RBM17: variants seen among roughly 807,000 people sequenced by gnomAD.
RBM17 encodes the protein RNA binding motif protein 17.
RBM17 carries 7 observed loss-of-function variants against 53.2 expected under a neutral mutation model. The observed-to-expected ratio is 0.13, with a 90% CI of 0.07 to 0.25. The LOEUF (loss-of-function observed/expected upper bound fraction) is 0.25. Among genes scored for constraint, RBM17 ranks in the 10% least tolerant of loss-of-function variants. The pLI, the probability that RBM17 is intolerant of heterozygous loss-of-function variation, is 1.00. For missense variants in RBM17, 257 were observed against 496.7 expected, an observed-to-expected ratio of 0.52 and a Z score of 4.59; for synonymous variants, 167 against 178.1, an observed-to-expected ratio of 0.94 and a Z score of 0.50.
rs561138279 is a variant in RBM17 at position 6,115,071 on chromosome 10, T to TC, written c.1030-168_1030-167insC. Reference sequence around the variant, plus strand: ...GCCTGTCATAAAAACAGGCATTCAGTACGTTTTTGATGATGAACAAATTAT... The same window carrying TC: ...GCCTGTCATAAAAACAGGCATTCAGTCACGTTTTTGATGATGAACAAATTAT... On this transcript the variant is annotated intron_variant, in intron 10 of 11. Transcript: ENST00000379888. The TC allele has an allele frequency of 2.3e-3, 1,451 of 617,956 alleles. 17 individuals carry two copies. The highest frequency in any genetic ancestry group is 0.016 in the South Asian group (745 of 45,702). 38.3% of individuals were successfully genotyped at this position (617,956 alleles called of 1,614,324 possible). A position where few individuals can be genotyped will look rare whatever the true frequency, so the allele number is the denominator to read the frequency against.
intron 1 of RBM17, among the ~76,000 whole-genome samples, chr10:6,094,408 C>T (rs1840539983): frequency 6.6e-6 from 1 of 151,288 alleles, no homozygotes; most frequent in Non-Finnish European, 1.5e-5. Flanking sequence ...GTTTGAGTTG[C>T]AAACAAATTT....
chr10:6,115,033 G>T (rs1840894214), intron 10 of RBM17: 1 of 570,858 alleles, frequency 1.8e-6, no homozygotes, highest in Admixed American at 3.3e-5. Flanking sequence ...CTGTGTTCCT[G>T]GCACCTAACA....
chr10:6,099,252 G>A (rs758161645), intron 2 of RBM17, among the ~76,000 whole-genome samples: 9 of 151,308 alleles, frequency 5.9e-5, no homozygotes, highest in Non-Finnish European at 1.0e-4. Context: ...AAACTTTTGA[G>A]ATTGCTATGT....
At chr10:6,101,197 A>G in intron 2 of RBM17, 74 bp from the exon 3 acceptor site, 1 of 904,788 alleles carries the variant, frequency 1.1e-6, no homozygotes, top group Non-Finnish European at 1.6e-6. Flanking sequence ...GACCAGAAAG[A>G]AAATCTTTGT....
At chr10:6,096,949 C>T (rs1840586386) in intron 1 of RBM17, 99 bp from the exon 2 acceptor site, 1 of 1,162,760 alleles carries the variant, frequency 8.6e-7, no homozygotes, top group Non-Finnish European at 1.2e-6. Context: ...CTGAAAGGTC[C>T]TGGACCTTTT....
intron 1 of RBM17, among the ~76,000 whole-genome samples, chr10:6,093,365 G>A (rs928332486): frequency 4.6e-5 from 7 of 151,962 alleles, no homozygotes; most frequent in African/African-American, 9.7e-5. Flanking sequence ...GACTACAGGC[G>A]TGCAGCACCA....
chr10:6,110,953 T>G (rs201153944), intron 7 of RBM17, among the ~76,000 whole-genome samples: 3 of 67,126 alleles, frequency 4.5e-5, no homozygotes, highest in Non-Finnish European at 1.3e-4. Context: ...AAGCTGGTTT[T>G]GTTTTGTTTT....
In RBM17 at chr10:6,097,143, G is replaced by C; in HGVS notation, c.78G>C (p.Leu26=). The C allele has an allele frequency of 6.2e-7, 1 of 1,614,068 alleles. No homozygotes were observed. The highest frequency in any genetic ancestry group is 8.5e-7 in the Non-Finnish European group (1 of 1,179,970). The change falls in exon 2 of 12, where the codon CTG becomes CTC. Residue 26 remains leucine, a synonymous_variant. Coordinates refer to ENST00000379888, the MANE Select transcript of RBM17 (RefSeq NM_032905.5). ...TEGWSKNFKL[L]QSQLQVKKAA... is the part of the protein sequence containing the mutation. ...GCTGGTCCAAAAACTTCAAACTTCT[G>C]CAGTCTCAGCTTCAGGTGAAGAAGG...
In RBM17 at chr10:6,112,597, G is replaced by T; in HGVS notation, c.856+236G>T. ...TCATCTTTATTTTTTCAGAACAGACGTAGAGAGATGAAGGCTTGTGGAGGA... is the reference window on the plus strand; with the variant it reads ...TCATCTTTATTTTTTCAGAACAGACTTAGAGAGATGAAGGCTTGTGGAGGA... On this transcript the variant is annotated intron_variant, in intron 8 of 11. Coordinates refer to ENST00000379888, the MANE Select transcript of RBM17 (RefSeq NM_032905.5). This position sits in a 1 kb window ranked among gnomAD's most constrained non-coding sequence, Gnocchi z 4.4. 1 of 527,450 alleles carries T rather than the reference G, an allele frequency of 1.9e-6. No homozygotes were observed. The highest frequency in any genetic ancestry group is 3.1e-5 in the Admixed American group (1 of 31,762). The allele number at this position is 527,450 out of a possible 1,614,324, so 32.7% of individuals were successfully genotyped here. A position where few individuals can be genotyped will look rare whatever the true frequency, so the allele number is the denominator to read the frequency against.
chr10:6,103,187 C>T (rs933846618), intron 3 of RBM17, among the ~76,000 whole-genome samples: 1 of 152,082 alleles, frequency 6.6e-6, no homozygotes, highest in Non-Finnish European at 1.5e-5. Flanking sequence ...ATTTTTATGG[C>T]CAATCTGTTC....
At chr10:6,111,045 T>C (rs934486094) in intron 7 of RBM17, among the ~76,000 whole-genome samples, 2 of 152,264 alleles carry the variant, frequency 1.3e-5, no homozygotes, top group Non-Finnish European at 1.5e-5. Context: ...TAACTTGTGC[T>C]TAGGAAAGAT....
chr10:6,109,559 C>T (rs1331417156), intron 6 of RBM17, among the ~76,000 whole-genome samples: 1 of 152,174 alleles, frequency 6.6e-6, no homozygotes, highest in Non-Finnish European at 1.5e-5. Flanking sequence ...CCCCTAACCT[C>T]GGACACCTTT....
intron 2 of RBM17, 71 bp from the exon 3 acceptor site, chr10:6,101,200 A>C: frequency 1.1e-6 from 1 of 933,268 alleles, no homozygotes; most frequent in Non-Finnish European, 1.6e-6. Flanking sequence ...CAGAAAGAAA[A>C]TCTTTGTTGC....
In RBM17 at chr10:6,112,392, G is replaced by A. The variant is rs1323090796; in HGVS notation, c.856+31G>A. The A allele has an allele frequency of 6.2e-7, 1 of 1,612,688 alleles. No homozygotes were observed. The highest frequency in any genetic ancestry group is 8.5e-7 in the Non-Finnish European group (1 of 1,179,346). On this transcript the variant is annotated intron_variant, in intron 8 of 11. Coordinates refer to ENST00000379888, the MANE Select transcript of RBM17 (RefSeq NM_032905.5). The surrounding 1 kb of genome is among the most constrained non-coding windows in gnomAD (Gnocchi z 4.4). Reference sequence around the variant, plus strand: ...TCCCCAGGGAAGCGTGTGACTAGAGGGAAAGGACTGGCCCCATCCATATCA... The same window carrying A: ...TCCCCAGGGAAGCGTGTGACTAGAGAGAAAGGACTGGCCCCATCCATATCA...
At chr10:6,108,852 G>A in intron 6 of RBM17, 110 bp downstream of exon 6, 1 of 744,668 alleles carries the variant, frequency 1.3e-6, no homozygotes, top group Non-Finnish European at 2.2e-6. Flanking sequence ...GAAACGGCCT[G>A]CAAGCCTGCC....
intron 1 of RBM17, among the ~76,000 whole-genome samples, chr10:6,090,722 T>G (rs1259926135): frequency 6.6e-6 from 1 of 152,156 alleles, no homozygotes; most frequent in East Asian, 1.9e-4. Flanking sequence ...AAGGAAGTTC[T>G]GTTATTCGCC....
intron 6 of RBM17, among the ~76,000 whole-genome samples, chr10:6,109,006 A>C (rs1840797939): frequency 6.6e-6 from 1 of 152,228 alleles, no homozygotes; most frequent in Non-Finnish European, 1.5e-5. Flanking sequence ...TGATTTCATT[A>C]ACATTTCTTA....
At chr10:6,110,276 C>T (rs933156170) in intron 7 of RBM17, 149 bp downstream of exon 7, 7 of 539,816 alleles carry the variant, frequency 1.3e-5, no homozygotes, top group Middle Eastern at 2.9e-4. Flanking sequence ...TCGTGTGGAG[C>T]GTGTTCCAGT....
Position 6,112,502 on chromosome 10 carries a change from T to A in RBM17, c.856+141T>A, listed in dbSNP as rs762745346. 5 of 987,460 alleles carry A rather than the reference T, an allele frequency of 5.1e-6. No individual in the cohort carries two copies. The highest frequency in any genetic ancestry group is 4.3e-5 in the South Asian group (3 of 70,558). 61.2% of individuals were successfully genotyped at this position (987,460 alleles called of 1,614,324 possible). A position where few individuals can be genotyped will look rare whatever the true frequency, so the allele number is the denominator to read the frequency against. ...GGGAGAGGGCTGGCCCTGCCATCAC[T>A]AGAACACAGGCCGTCCTGTTCATAT... is the stretch of plus-strand genomic sequence containing the variant. On this transcript the variant is annotated intron_variant, in intron 8 of 11. Transcript: ENST00000379888. The surrounding 1 kb of genome is among the most constrained non-coding windows in gnomAD (Gnocchi z 4.4).
Sources: allele counts gnomAD v4.1 joint callset (sites outside exome capture counted in the v4.1 genomes callset), GRCh38; gene constraint gnomAD v4.1.1; non-coding constraint Gnocchi (gnomAD v3.1); transcripts MANE v1.5; gene names NCBI Gene and HGNC (gene_info 2026-07-23, HGNC 2026-07-21).